The following CTNNA3 variants were observed in gnomAD, a reference collection of about 807,000 sequenced individuals.
CTNNA3 encodes the protein catenin alpha-3.
Under a neutral mutation model 95.7 loss-of-function variants are expected in CTNNA3, and 76 were observed. The observed-to-expected ratio is 0.79, with a 90% confidence interval of 0.66 to 0.96. CTNNA3 has a LOEUF of 0.96. CTNNA3 is among the 40% of genes least tolerant of loss of function. The pLI is 0.00. For missense variants in CTNNA3, 1,191 were observed against 1,089.8 expected (o/e 1.09, Z -1.31); for synonymous variants, 431 against 374.4 (o/e 1.15, Z -1.74).
chr10:66,858,401 G>A (rs530258649), intron 7 of CTNNA3, among the ~76,000 whole-genome samples: 3 of 152,182 alleles, frequency 2.0e-5, no homozygotes, highest in Non-Finnish European at 4.4e-5. Flanking sequence ...GTACCAGGAT[G>A]AGGCTGGTCT....
intron 11 of CTNNA3, among the ~76,000 whole-genome samples, chr10:66,425,094 G>T (rs933417611): frequency 6.1e-5 from 8 of 130,488 alleles, no homozygotes; most frequent in African/African-American, 2.5e-4. Context: ...TTCTTTTTAT[G>T]AAAATATATT....
At chr10:65,980,157 C>T (rs2078288822) in intron 16 of CTNNA3, among the ~76,000 whole-genome samples, 1 of 151,706 alleles carries the variant, frequency 6.6e-6, no homozygotes, top group Non-Finnish European at 1.5e-5. Flanking sequence ...CTACTGATAC[C>T]ACAGAAATAC....
chr10:66,974,937 C>G (rs932303517), intron 7 of CTNNA3, among the ~76,000 whole-genome samples: 1 of 151,922 alleles, frequency 6.6e-6, no homozygotes, highest in African/African-American at 2.4e-5. Flanking sequence ...CAGTCCAGGT[C>G]AGCACAAGCT....
intron 7 of CTNNA3, among the ~76,000 whole-genome samples, chr10:67,147,328 T>G (rs1194437150): frequency 1.3e-5 from 2 of 152,194 alleles, no homozygotes; most frequent in Admixed American, 1.3e-4. Flanking sequence ...TTTTCTCATC[T>G]AAAAGCCTGG....
intron 3 of CTNNA3, among the ~76,000 whole-genome samples, chr10:67,577,124 G>A (rs10997732): frequency 0.13 from 19,037 of 149,950 alleles, 1,454 homozygotes; most frequent in East Asian, 0.29. Flanking sequence ...CTGAGGAATC[G>A]CCACACTGAC....
chr10:66,526,925 T>C (rs1338503172), intron 10 of CTNNA3, among the ~76,000 whole-genome samples: 2 of 152,190 alleles, frequency 1.3e-5, no homozygotes, highest in African/African-American at 4.8e-5. Context: ...TCCTCTGATA[T>C]ACAGAAGTTT....
intron 5 of CTNNA3, among the ~76,000 whole-genome samples, chr10:67,476,885 C>A (rs1393090456): frequency 3.3e-5 from 5 of 151,704 alleles, no homozygotes; most frequent in African/African-American, 1.2e-4. Context: ...CTCTCCACTC[C>A]ACCCTCAAGC....
At chr10:66,530,328 ACAT>A (rs1361271057) in intron 10 of CTNNA3, among the ~76,000 whole-genome samples, 1 of 152,168 alleles carries the variant, frequency 6.6e-6, no homozygotes, top group East Asian at 1.9e-4. Flanking sequence ...TAAATTGGTA[ACAT>A]CATCATAATT....
At chr10:67,484,656 A>T (rs879343878) in intron 5 of CTNNA3, among the ~76,000 whole-genome samples, 8 of 152,204 alleles carry the variant, frequency 5.3e-5, no homozygotes, top group African/African-American at 1.4e-4. Flanking sequence ...ATGAACAGAC[A>T]CTTCTCAAAA....
rs191311248 is a variant in CTNNA3 at position 66,208,498 on chromosome 10, C to T, written c.1884+71972G>A. Among the ~76,000 whole-genome samples the T allele has an allele frequency of 4.6e-3, 703 of 152,052 alleles. 15 individuals are homozygous for T. Among genetic ancestry groups the T allele is most frequent in the Non-Finnish European group, 4.2e-3 (286 of 67,962 alleles). On this transcript the variant is annotated intron_variant, in intron 13 of 17. Transcript: ENST00000433211. ...GCATTTATATAGTACTGTGCAGTTT[C>T]CACACATATATCGCCATGGGTGCTT...
chr10:67,470,754 A>G (rs1847786655), intron 5 of CTNNA3, among the ~76,000 whole-genome samples: 1 of 152,006 alleles, frequency 6.6e-6, no homozygotes, highest in Admixed American at 6.6e-5. Flanking sequence ...TTTTGGGGCC[A>G]GAAAAAAACT....
chr10:67,139,684 A>G (rs972716194), intron 7 of CTNNA3, among the ~76,000 whole-genome samples: 28 of 152,294 alleles, frequency 1.8e-4, no homozygotes, highest in Admixed American at 3.9e-4. Flanking sequence ...AAGTGCTGGA[A>G]TTACAGGTGT....
chr10:65,960,952 G>A (rs1332544192), intron 17 of CTNNA3, among the ~76,000 whole-genome samples: 1 of 152,144 alleles, frequency 6.6e-6, no homozygotes, highest in East Asian at 1.9e-4. Flanking sequence ...CATCCTGGCT[G>A]AGAAGAAGAG....
In CTNNA3 at chr10:67,005,682, C is replaced by CTTTTTT. The variant is rs11369576; in HGVS notation, c.1047+174629_1047+174634dup. The stretch of plus-strand genomic sequence containing the variant: ...AATGCTTTTGTTTATTTTACTCCAT[C>CTTTTTT]TTTTTTTTTTTTTTTTTTTTTGAGA... On this transcript the variant is annotated intron_variant, in intron 7 of 17. Transcript: ENST00000433211. 2.9e-4 allele frequency among the ~76,000 whole-genome samples: 18 copies of CTTTTTT among 61,984 alleles called. 2 individuals are homozygous for CTTTTTT. The highest frequency in any genetic ancestry group is 4.8e-4 in the African/African-American group (9 of 18,568). The allele number at this position is 61,984 out of a possible 152,430, so 40.7% of individuals were successfully genotyped here.
chr10:67,702,155 A>C (rs1841044902), intron 1 of CTNNA3, among the ~76,000 whole-genome samples: 1 of 152,338 alleles, frequency 6.6e-6, no homozygotes, highest in Admixed American at 6.5e-5. Context: ...AAAGAGACTT[A>C]GACTCCCATA....
chr10:66,779,197 C>G (rs1054658008), intron 7 of CTNNA3, among the ~76,000 whole-genome samples: 6 of 152,096 alleles, frequency 3.9e-5, no homozygotes, highest in Non-Finnish European at 8.8e-5. Flanking sequence ...TCTGTATTTA[C>G]TAAACCACTA....
chr10:66,446,669 G>A (rs200723459), intron 11 of CTNNA3, among the ~76,000 whole-genome samples: 9 of 152,026 alleles, frequency 5.9e-5, no homozygotes, highest in East Asian at 1.9e-4. Context: ...TTGATGGGAC[G>A]TATCTAAAAA....
intron 5 of CTNNA3, among the ~76,000 whole-genome samples, chr10:67,300,509 T>C (rs1312037530): frequency 6.6e-6 from 1 of 152,220 alleles, no homozygotes; most frequent in South Asian, 2.1e-4. Context: ...AGGAGTTGGC[T>C]GATCCATTCT....
At chr10:67,627,561 G>A (rs1277270899) in intron 2 of CTNNA3, among the ~76,000 whole-genome samples, 1 of 152,140 alleles carries the variant, frequency 6.6e-6, no homozygotes, top group African/African-American at 2.4e-5. Context: ...GACATGTTAT[G>A]TTAAGTAGTA....
Sources: allele counts gnomAD v4.1 joint callset (sites outside exome capture counted in the v4.1 genomes callset), GRCh38; gene constraint gnomAD v4.1.1; transcripts MANE v1.5; gene names NCBI Gene and HGNC (gene_info 2026-07-23, HGNC 2026-07-21).